Variants in RABL3 observed in about 807,000 individuals in gnomAD.
The protein encoded by RABL3 is rab-like protein 3.
Under a neutral mutation model 31.8 loss-of-function variants are expected in RABL3, and 31 were observed. The ratio of observed to expected loss-of-function variants is 0.97; its 90% CI spans 0.73 to 1.31. The LOEUF (loss-of-function observed/expected upper bound fraction) is 1.31, where lower values mean the gene tolerates loss of function less well. RABL3 is among the 40% of genes most tolerant of loss of function. The probability of loss-of-function intolerance (pLI) is 0.00; values close to 1 mark genes in which losing one functional copy is unlikely to be tolerated. For synonymous variants in RABL3, 97 were observed against 99.9 expected (o/e 0.97, Z 0.18); for missense variants, 263 against 279.6 (o/e 0.94, Z 0.42).
At chr3:120,689,951 AT>A in intron 7 of RABL3, 63 bp from the exon 8 acceptor site, 1 of 1,328,392 alleles carries the variant, frequency 7.5e-7, no homozygotes, top group South Asian at 1.2e-5. Flanking sequence ...ACTAATAGTA[AT>A]TTTTCCCTTC....
chr3:120,735,961 C>T (rs1708956440), intron 1 of RABL3, among the ~76,000 whole-genome samples: 1 of 152,150 alleles, frequency 6.6e-6, no homozygotes, highest in Non-Finnish European at 1.5e-5. Flanking sequence ...TGCTTTATTC[C>T]AACTGTGTGG....
rs141506885 is a variant in RABL3 at position 120,685,557 on chromosome 3, C to T, written c.*4266G>A. On this transcript the variant is annotated 3_prime_UTR_variant, in exon 8 of 8. Transcript: ENST00000273375. ...GGCAGTAATAAAAATGATAGCAATA[C>T]ATGAAAGACAAATACTTGTTTTGCC... Among the ~76,000 whole-genome samples the T allele has an allele frequency of 3.2e-4, 48 of 152,262 alleles. No homozygotes were observed. The highest frequency in any genetic ancestry group is 9.9e-4 in the African/African-American group (41 of 41,554).
chr3:120,729,859 A>G (rs184426775), intron 2 of RABL3, among the ~76,000 whole-genome samples: 1 of 152,140 alleles, frequency 6.6e-6, no homozygotes, highest in South Asian at 2.1e-4. Context: ...ATGGCTTAAA[A>G]TTCTGAAAAA....
At chr3:120,729,870 TAA>T (rs1490054549) in intron 2 of RABL3, among the ~76,000 whole-genome samples, 5 of 150,732 alleles carry the variant, frequency 3.3e-5, no homozygotes, top group Non-Finnish European at 7.4e-5. Context: ...TTCTGAAAAA[TAA>T]AGAGATGAGA....
intron 2 of RABL3, among the ~76,000 whole-genome samples, chr3:120,726,045 G>T (rs1708816557): frequency 6.6e-6 from 1 of 152,004 alleles, no homozygotes; most frequent in South Asian, 2.1e-4. Context: ...TCTTTAACTT[G>T]GGCTCGGGTG....
At chr3:120,698,329 A>G in intron 5 of RABL3, 94 bp downstream of exon 5, 1 of 1,216,998 alleles carries the variant, frequency 8.2e-7, no homozygotes, top group Non-Finnish European at 1.2e-6. Context: ...TTTCAAGTAT[A>G]AAGCTTCTTT....
intron 6 of RABL3, among the ~76,000 whole-genome samples, chr3:120,690,851 T>TA (rs1163257504): frequency 2.0e-5 from 3 of 152,054 alleles, no homozygotes; most frequent in African/African-American, 4.8e-5. Flanking sequence ...ATCCATAAAA[T>TA]AAAAAAAGCA....
intron 4 of RABL3, among the ~76,000 whole-genome samples, chr3:120,701,120 T>C (rs1708487562): frequency 6.6e-6 from 1 of 152,172 alleles, no homozygotes; most frequent in African/African-American, 2.4e-5. Context: ...ATTTCTTTTC[T>C]TTCTTATACA....
chr3:120,702,474 C>CT (rs2107579250), intron 4 of RABL3, among the ~76,000 whole-genome samples: 1 of 152,290 alleles, frequency 6.6e-6, no homozygotes, highest in South Asian at 2.1e-4. Context: ...TGCCACTCAC[C>CT]TCCCACTGTG....
intron 1 of RABL3, among the ~76,000 whole-genome samples, chr3:120,736,923 G>C (rs997407967): frequency 6.6e-6 from 1 of 152,116 alleles, no homozygotes; most frequent in Non-Finnish European, 1.5e-5. Context: ...TCCCTTTGTG[G>C]GTAACCTGAC....
At chr3:120,700,259 C>G (rs550861350) in intron 4 of RABL3, among the ~76,000 whole-genome samples, 1 of 152,170 alleles carries the variant, frequency 6.6e-6, no homozygotes, top group Admixed American at 6.5e-5. Flanking sequence ...ATATTATATG[C>G]ATAATACTGG....
intron 6 of RABL3, among the ~76,000 whole-genome samples, chr3:120,691,559 T>C (rs1055307180): frequency 6.6e-6 from 1 of 152,228 alleles, no homozygotes; most frequent in Admixed American, 6.5e-5. Flanking sequence ...TGAGCATGTT[T>C]AAGGAAGGCT....
chr3:120,740,905 A>G (rs1391326451), intron 1 of RABL3, among the ~76,000 whole-genome samples: 1 of 152,220 alleles, frequency 6.6e-6, no homozygotes, highest in African/African-American at 2.4e-5. Context: ...TTGCCTGATT[A>G]CTTTTCCACA....
chr3:120,698,604 G>C (rs1185274316), intron 4 of RABL3, 31 bp from the exon 5 acceptor site: 1 of 1,563,856 alleles, frequency 6.4e-7, no homozygotes, highest in Admixed American at 1.8e-5. Context: ...GAGGTGAATA[G>C]AATGTATCTT....
At chr3:120,713,612 A>G (rs1466514499) in intron 2 of RABL3, among the ~76,000 whole-genome samples, 1 of 152,210 alleles carries the variant, frequency 6.6e-6, no homozygotes, top group African/African-American at 2.4e-5. Context: ...CAGCTATACA[A>G]TAAAGGATTT....
intron 6 of RABL3, among the ~76,000 whole-genome samples, chr3:120,692,445 G>A (rs776102878): frequency 2.0e-5 from 3 of 152,152 alleles, no homozygotes; most frequent in Admixed American, 6.5e-5. Flanking sequence ...TCATCTGCCC[G>A]CCTCGGCCTC....
At position 120,718,564 on chromosome 3, in the gene RABL3, G is replaced by C. The variant is rs141393047; in HGVS notation, c.139-8655C>G. Among the ~76,000 whole-genome samples the C allele has an allele frequency of 2.8e-3, 424 of 152,320 alleles. 7 individuals are homozygous for C. The highest frequency in any genetic ancestry group is 7.9e-3 in the East Asian group (41 of 5,186). ...TTCTCAAGGCATTATTCACCTATAA[G>C]AGAATCATCAAGATGCTTCTTAAAA... is the stretch of plus-strand genomic sequence containing the variant. On this transcript the variant is annotated intron_variant, in intron 2 of 7. Coordinates refer to ENST00000273375, the MANE Select transcript of RABL3 (RefSeq NM_173825.5).
intron 5 of RABL3, among the ~76,000 whole-genome samples, chr3:120,697,998 T>G (rs1427549315): frequency 1.3e-5 from 2 of 152,056 alleles, no homozygotes; most frequent in African/African-American, 4.8e-5. Flanking sequence ...CCATCTCTAC[T>G]AAAAATATTT....
chr3:120,708,187 C>T (rs1384222698), intron 3 of RABL3, among the ~76,000 whole-genome samples: 1 of 150,026 alleles, frequency 6.7e-6, no homozygotes. Context: ...TGAAAGAACA[C>T]AGAAATAGGT....
Sources: gnomAD v4.1 joint callset for allele counts (sites outside exome capture counted in the v4.1 genomes callset) on GRCh38, gnomAD v4.1.1 for gene constraint, MANE v1.5 for transcripts, NCBI Gene and HGNC (gene_info 2026-07-23, HGNC 2026-07-21) for gene names.